Variants in RBPMS observed in about 807,000 individuals in gnomAD.
RBPMS encodes RNA binding protein, mRNA processing factor, also known as RNA-binding protein with multiple splicing.
RBPMS carries 7 observed loss-of-function variants against 26.8 expected under a neutral mutation model. That is an observed-to-expected ratio of 0.26 (90% CI 0.15 to 0.49). The LOEUF (loss-of-function observed/expected upper bound fraction) is 0.49. Among genes scored for constraint, RBPMS ranks in the 20% least tolerant of loss-of-function variants. RBPMS has a pLI of 0.98. For missense variants in RBPMS, 186 were observed against 250.0 expected (o/e 0.74, Z 1.73); for synonymous variants, 96 against 93.3 (o/e 1.03, Z -0.17).
At chr8:30,461,277 C>G (rs1457097369) in intron 1 of RBPMS, among the ~76,000 whole-genome samples, 1 of 152,090 alleles carries the variant, frequency 6.6e-6, no homozygotes, top group East Asian at 1.9e-4. Flanking sequence ...GACTTGATAA[C>G]TTTTAGGGAC....
At chr8:30,503,410 C>T (rs1412484295) in intron 4 of RBPMS, among the ~76,000 whole-genome samples, 1 of 151,758 alleles carries the variant, frequency 6.6e-6, no homozygotes, top group Non-Finnish European at 1.5e-5. Flanking sequence ...TGCCGCCACG[C>T]CCAGCTAATT....
At chr8:30,536,438 T>C (rs1183425623) in intron 5 of RBPMS, among the ~76,000 whole-genome samples, 1 of 152,136 alleles carries the variant, frequency 6.6e-6, no homozygotes, top group African/African-American at 2.4e-5. Context: ...GATCATCTCT[T>C]TTTATGGACT....
intron 6 of RBPMS, among the ~76,000 whole-genome samples, chr8:30,557,660 G>A (rs372584636): frequency 1.3e-5 from 2 of 152,302 alleles, no homozygotes. Flanking sequence ...CTGCGGGAGG[G>A]CATCGCCTCA....
At chr8:30,420,636 C>A (rs1810663741) in intron 1 of RBPMS, among the ~76,000 whole-genome samples, 1 of 152,188 alleles carries the variant, frequency 6.6e-6, no homozygotes, top group Non-Finnish European at 1.5e-5. Flanking sequence ...TTCTAACTTT[C>A]AGCAATGTTG....
intron 6 of RBPMS, among the ~76,000 whole-genome samples, chr8:30,546,840 G>A (rs755257071): frequency 1.3e-5 from 2 of 152,232 alleles, no homozygotes; most frequent in Non-Finnish European, 2.9e-5. Context: ...TTTTACAGAT[G>A]AGGAAACAGG....
chr8:30,456,133 G>A (rs11992441), intron 1 of RBPMS, among the ~76,000 whole-genome samples: 29,858 of 152,132 alleles, frequency 0.2, 3,329 homozygotes, highest in South Asian at 0.41. Flanking sequence ...TCAAAAACTA[G>A]ATGTGTGTCT....
intron 1 of RBPMS, among the ~76,000 whole-genome samples, chr8:30,470,473 G>A (rs527936759): frequency 8.5e-5 from 13 of 152,128 alleles, no homozygotes; most frequent in East Asian, 3.9e-4. Flanking sequence ...TTCATTATTC[G>A]TGATTTTTTA....
intron 6 of RBPMS, chr8:30,556,883 A>G (rs1203600409): frequency 2.3e-6 from 1 of 426,528 alleles, no homozygotes. Context: ...CCCCTACCTC[A>G]CCCCCATCTT....
intron 6 of RBPMS, among the ~76,000 whole-genome samples, chr8:30,548,340 A>G (rs1231835295): frequency 7.1e-6 from 1 of 141,280 alleles, no homozygotes; most frequent in Non-Finnish European, 1.5e-5. Flanking sequence ...TCGTTAAAGT[A>G]TACTGTCCTT....
intron 4 of RBPMS, among the ~76,000 whole-genome samples, chr8:30,481,533 TAGG>T (rs2150852852): frequency 6.6e-6 from 1 of 152,274 alleles, no homozygotes; most frequent in East Asian, 1.9e-4. Flanking sequence ...CTTCTTGCAC[TAGG>T]CTCTCCATTC....
chr8:30,528,718 T>A (rs897379837), intron 5 of RBPMS, among the ~76,000 whole-genome samples: 1 of 151,950 alleles, frequency 6.6e-6, no homozygotes, highest in Non-Finnish European at 1.5e-5. Context: ...AAGCTCAGAG[T>A]TTTTTAAATG....
At chr8:30,523,331 C>A (rs759894290) in intron 5 of RBPMS, among the ~76,000 whole-genome samples, 31 of 150,020 alleles carry the variant, frequency 2.1e-4, no homozygotes, top group Non-Finnish European at 3.2e-4. Context: ...GAGCTGAGAT[C>A]GTACCACTGC....
At chr8:30,434,530 C>T (rs1812244841) in intron 1 of RBPMS, among the ~76,000 whole-genome samples, 1 of 151,900 alleles carries the variant, frequency 6.6e-6, no homozygotes. Context: ...GTGGAGAAAA[C>T]TCGTCTCCAC....
At chr8:30,414,081 T>C (rs973852114) in intron 1 of RBPMS, among the ~76,000 whole-genome samples, 4 of 152,126 alleles carry the variant, frequency 2.6e-5, no homozygotes, top group South Asian at 4.1e-4. Context: ...CTTAGAAATA[T>C]TTATTTTTGT....
Position 30,421,961 on chromosome 8 carries a change from G to GA in RBPMS, c.66+36809dup, listed in dbSNP as rs1336259831. ...CATAGCGAGACTCTGTCTCAAAAAA[G>GA]AAAAAAGAAAAAAAAAGCTGGTTGC... On this transcript the variant is annotated intron_variant, in intron 1 of 8. Coordinates refer to ENST00000397323, the MANE Select transcript of RBPMS (RefSeq NM_001008710.3). 6.2e-4 allele frequency among the ~76,000 whole-genome samples: 5 copies of GA among 8,104 alleles called. No homozygotes were observed. The Admixed American group carries it at 8.9e-3, about 14-fold the overall frequency. The allele number at this position is 8,104 out of a possible 152,430, so 5.3% of individuals were successfully genotyped here.
In RBPMS at chr8:30,549,456, A is replaced by T. The variant is rs1297359597; in HGVS notation, c.528+4832A>T. 2.0e-6 allele frequency: 3 copies of T among 1,508,288 alleles called. No individual in the cohort carries two copies. In the South Asian group the frequency reaches 3.4e-5, roughly 17 times the overall value. The allele number at this position is 1,508,288 out of a possible 1,614,324, so 93.4% of individuals were successfully genotyped here. A position where few individuals can be genotyped will look rare whatever the true frequency, so the allele number is the denominator to read the frequency against. ...TTCCATTGTTTTCAGACATAAATGA[A>T]ATTGTTAATCCTCTGACATTTACCT... On this transcript the variant is annotated intron_variant, in intron 6 of 8. Coordinates refer to ENST00000397323, the MANE Select transcript of RBPMS (RefSeq NM_001008710.3).
intron 6 of RBPMS, among the ~76,000 whole-genome samples, chr8:30,548,846 G>A (rs1271720255): frequency 3.3e-5 from 5 of 152,218 alleles, no homozygotes; most frequent in East Asian, 1.9e-4. Flanking sequence ...AAAGCAAATC[G>A]TATTAAGCAT....
intron 8 of RBPMS, among the ~76,000 whole-genome samples, chr8:30,567,237 T>G (rs1827955891): frequency 6.6e-6 from 1 of 151,638 alleles, no homozygotes; most frequent in South Asian, 2.1e-4. Context: ...GGAGGTGGGG[T>G]CGCATTTGAG....
At chr8:30,453,205 T>C (rs1814797549) in intron 1 of RBPMS, among the ~76,000 whole-genome samples, 1 of 152,216 alleles carries the variant, frequency 6.6e-6, no homozygotes, top group South Asian at 2.1e-4. Flanking sequence ...GTCCTTAATG[T>C]ATGTTAAAGT....
Sources: gnomAD v4.1 joint callset for allele counts (sites outside exome capture counted in the v4.1 genomes callset) on GRCh38, gnomAD v4.1.1 for gene constraint, MANE v1.5 for transcripts, NCBI Gene and HGNC (gene_info 2026-07-23, HGNC 2026-07-21) for gene names.